Variants in FRK observed in about 807,000 individuals in gnomAD.
The protein encoded by FRK is tyrosine-protein kinase FRK.
Under a neutral mutation model 56.4 loss-of-function variants are expected in FRK, and 51 were observed. The observed-to-expected ratio is 0.90, with a 90% confidence interval of 0.72 to 1.14. The LOEUF (loss-of-function observed/expected upper bound fraction) is 1.14, where lower values mean the gene tolerates loss of function less well. Ranked by LOEUF, FRK falls within the 50% of genes most tolerant of loss-of-function variation. FRK has a pLI of 0.00. For missense variants in FRK, 570 were observed against 601.4 expected, an observed-to-expected ratio of 0.95 and a Z score of 0.55; for synonymous variants, 245 against 217.9, an observed-to-expected ratio of 1.12 and a Z score of -1.10.
intron 3 of FRK, 26 bp from the exon 4 acceptor site, chr6:115,967,745 T>C (rs2114601065): frequency 1.4e-6 from 2 of 1,401,170 alleles, no homozygotes; most frequent in Non-Finnish European, 1.9e-6. Flanking sequence ...ATAAGAGCAA[T>C]TGTTAAAAAA....
At chr6:116,087,466 CT>C in the FRK span, among the ~76,000 whole-genome samples, 1 of 152,244 alleles carries the variant, frequency 6.6e-6, no homozygotes, top group Non-Finnish European at 1.5e-5. Flanking sequence ...ACTGGACCAG[CT>C]TTTTCTGTGT....
the FRK span, among the ~76,000 whole-genome samples, chr6:116,082,139 G>A: frequency 5.3e-5 from 8 of 152,156 alleles, no homozygotes; most frequent in Non-Finnish European, 8.8e-5. Flanking sequence ...TCTCTGAAGG[G>A]GGAGCTTGTA....
chr6:115,997,928 A>G (rs941225647), intron 2 of FRK, among the ~76,000 whole-genome samples: 1 of 152,224 alleles, frequency 6.6e-6, no homozygotes, highest in Non-Finnish European at 1.5e-5. Context: ...CATTTCCCAC[A>G]GCACTTCAAG....
At chr6:116,016,606 T>C (rs1198067817) in intron 1 of FRK, among the ~76,000 whole-genome samples, 1 of 152,166 alleles carries the variant, frequency 6.6e-6, no homozygotes, top group Non-Finnish European at 1.5e-5. Context: ...TGTACAGATA[T>C]GTACTAGTTT....
At chr6:116,051,277 T>A (rs1174954069) in intron 1 of FRK, among the ~76,000 whole-genome samples, 3 of 152,160 alleles carry the variant, frequency 2.0e-5, no homozygotes, top group African/African-American at 7.2e-5. Context: ...AAAAAGTATT[T>A]GATTGAGAAT....
At chr6:116,080,049 C>CT in the FRK span, among the ~76,000 whole-genome samples, 6 of 151,976 alleles carry the variant, frequency 3.9e-5, no homozygotes, top group Non-Finnish European at 5.9e-5. Flanking sequence ...TGAATATGTA[C>CT]TTTTTTTATA....
intron 1 of FRK, among the ~76,000 whole-genome samples, chr6:116,015,707 T>C (rs1775622216): frequency 6.6e-6 from 1 of 152,158 alleles, no homozygotes; most frequent in Admixed American, 6.5e-5. Flanking sequence ...AGGAAGTTAT[T>C]GGGAACTGGA....
chr6:116,067,957 C>T, the FRK span, among the ~76,000 whole-genome samples: 1 of 152,176 alleles, frequency 6.6e-6, no homozygotes, highest in South Asian at 2.1e-4. Context: ...GTCTTGGCAT[C>T]AGCTTAATCT....
chr6:116,065,206 A>G (rs554770237), upstream of FRK, among the ~76,000 whole-genome samples: 35 of 152,288 alleles, frequency 2.3e-4, no homozygotes, highest in African/African-American at 7.7e-4. Context: ...CAGAAAATCC[A>G]ACAGCTATTC....
chr6:116,088,079 T>C, the FRK span, among the ~76,000 whole-genome samples: 2 of 152,172 alleles, frequency 1.3e-5, no homozygotes, highest in Non-Finnish European at 2.9e-5. Flanking sequence ...GTATCCTCTG[T>C]GTTTCATGGG....
intron 1 of FRK, chr6:116,038,821 G>A (rs1407759444): frequency 1.9e-6 from 1 of 512,884 alleles, no homozygotes; most frequent in Middle Eastern, 3.1e-4. Flanking sequence ...AGAGCCTGGG[G>A]GAGCTCATCC....
At chr6:116,078,961 C>A in the FRK span, among the ~76,000 whole-genome samples, 1 of 152,078 alleles carries the variant, frequency 6.6e-6, no homozygotes, top group Non-Finnish European at 1.5e-5. Flanking sequence ...TATCAAAAGT[C>A]CATTCCTTTT....
chr6:115,958,704 G>GA (rs5879359), intron 4 of FRK, among the ~76,000 whole-genome samples: 1,377 of 6,830 alleles, frequency 0.2, 207 homozygotes, highest in African/African-American at 0.25. Flanking sequence ...AAGAAAGAAA[G>GA]AAGAAAGAAA....
At chr6:116,081,366 G>T in the FRK span, among the ~76,000 whole-genome samples, 1 of 152,134 alleles carries the variant, frequency 6.6e-6, no homozygotes, top group Non-Finnish European at 1.5e-5. Flanking sequence ...TGTAAAAAAT[G>T]ATTCTATAGG....
chr6:115,988,205 G>A (rs944042110), intron 2 of FRK, among the ~76,000 whole-genome samples: 1 of 152,066 alleles, frequency 6.6e-6, no homozygotes, highest in Non-Finnish European at 1.5e-5. Context: ...CTGATAAATA[G>A]TTATAAAGCA....
intron 2 of FRK, among the ~76,000 whole-genome samples, chr6:115,996,533 G>C (rs1774848188): frequency 6.6e-6 from 1 of 152,114 alleles, no homozygotes; most frequent in South Asian, 2.1e-4. Context: ...GACCTGTCAA[G>C]GTGTGAAATT....
At chr6:115,956,364 C>G (rs749360806) in intron 5 of FRK, 88 bp downstream of exon 5, 11 of 917,808 alleles carry the variant, frequency 1.2e-5, no homozygotes, top group African/African-American at 1.7e-5. Context: ...AATATCCTTT[C>G]GGTTACAGAA....
chr6:116,070,873 C>T, the FRK span, among the ~76,000 whole-genome samples: 2 of 149,666 alleles, frequency 1.3e-5, no homozygotes, highest in African/African-American at 2.5e-5. Flanking sequence ...CCTGCTAGGC[C>T]TTTTTTTGTC....
chr6:116,060,420 C>T lies in FRK; in HGVS notation c.-109G>A. On this transcript the variant is annotated 5_prime_UTR_variant, in exon 1 of 8. The change abolishes an upstream ATG in the 5' untranslated region. Coordinates refer to ENST00000606080, the MANE Select transcript of FRK (RefSeq NM_002031.3). ...AACTTTGAAGTCAGCACCAACTCAC[C>T]ATACTTCGGAGAGTATGCAAAGTCC... The T allele has an allele frequency of 2.5e-6, 2 of 812,640 alleles. No individual in the cohort carries two copies. 50.3% of individuals were successfully genotyped at this position (812,640 alleles called of 1,614,324 possible).
Sources: allele counts gnomAD v4.1 joint callset (sites outside exome capture counted in the v4.1 genomes callset), GRCh38; gene constraint gnomAD v4.1.1; transcripts MANE v1.5; gene names NCBI Gene and HGNC (gene_info 2026-07-23, HGNC 2026-07-21).